Variants in MTUS1 observed in about 807,000 individuals in gnomAD.
The protein encoded by MTUS1 is microtubule-associated tumor suppressor 1.
In MTUS1, 109 loss-of-function variants were observed where a neutral mutation model predicts 120.8. The observed-to-expected ratio is 0.90, with a 90% CI of 0.77 to 1.06. MTUS1 has a LOEUF of 1.06. MTUS1 is among the 50% of genes least tolerant of loss of function. The pLI, the probability that MTUS1 is intolerant of heterozygous loss-of-function variation, is 0.00. For synonymous variants in MTUS1, 737 were observed against 550.5 expected, an observed-to-expected ratio of 1.34 and a Z score of -4.74; for missense variants, 2,210 against 1,486.3, an observed-to-expected ratio of 1.49 and a Z score of -8.01.
intron 1 of MTUS1, among the ~76,000 whole-genome samples, chr8:17,790,934 C>G (rs2051730358): frequency 1.3e-5 from 2 of 152,140 alleles, no homozygotes; most frequent in African/African-American, 2.4e-5. Context: ...TTGCAGTCAG[C>G]CGGATCGTAC....
chr8:17,679,139 A>AC (rs57415283), intron 7 of MTUS1, among the ~76,000 whole-genome samples: 86,256 of 151,498 alleles, frequency 0.57, 25,398 homozygotes, highest in Middle Eastern at 0.7. Flanking sequence ...AACCATTTTC[A>AC]CCCATAATCG....
At chr8:17,725,043 A>G (rs1585977948) in intron 3 of MTUS1, among the ~76,000 whole-genome samples, 1 of 151,962 alleles carries the variant, frequency 6.6e-6, no homozygotes, top group African/African-American at 2.4e-5. Flanking sequence ...GGTGTAAACC[A>G]CCCCACCCAG....
intron 3 of MTUS1, among the ~76,000 whole-genome samples, chr8:17,738,594 T>G (rs2047092374): frequency 6.6e-6 from 1 of 152,212 alleles, no homozygotes; most frequent in East Asian, 1.9e-4. Context: ...CCGGGGTACA[T>G]GTGCAGGCTG....
At chr8:17,656,918 G>C (rs1197946442) in intron 8 of MTUS1, among the ~76,000 whole-genome samples, 1 of 151,650 alleles carries the variant, frequency 6.6e-6, no homozygotes, top group Non-Finnish European at 1.5e-5. Context: ...AATTAGCCGG[G>C]TGTGGTGGTG....
At chr8:17,748,845 C>G (rs1395269642) in intron 2 of MTUS1, among the ~76,000 whole-genome samples, 3 of 152,174 alleles carry the variant, frequency 2.0e-5, no homozygotes, top group Non-Finnish European at 2.9e-5. Flanking sequence ...TCCCTACATC[C>G]TAACAATCAT....
At position 17,759,971 on chromosome 8, in the gene MTUS1, G is replaced by C. The variant is rs1342149441; in HGVS notation, c.-154-4010C>G. 5.3e-5 allele frequency among the ~76,000 whole-genome samples: 8 copies of C among 151,874 alleles called. No homozygotes were observed. In the East Asian group the frequency reaches 1.5e-3, roughly 29 times the overall value. ...TGCCTGTAATCTCAGCACTTTGGGA[G>C]GCTGAGGCAGGAGCATCATTTGAGC... On this transcript the variant is annotated intron_variant, in intron 1 of 14. Transcript: ENST00000693296.
intron 1 of MTUS1, among the ~76,000 whole-genome samples, chr8:17,797,958 T>C (rs1313255927): frequency 1.3e-5 from 2 of 151,946 alleles, no homozygotes; most frequent in Non-Finnish European, 2.9e-5. Context: ...CTTTGCTGAG[T>C]AGCAGTATTG....
intron 12 of MTUS1, among the ~76,000 whole-genome samples, chr8:17,651,022 C>G (rs1392388361): frequency 6.6e-6 from 1 of 152,176 alleles, no homozygotes; most frequent in African/African-American, 2.4e-5. Flanking sequence ...ATCCAAACCC[C>G]TTACTTCACA....
chr8:17,738,683 G>A (rs879277551), intron 3 of MTUS1, among the ~76,000 whole-genome samples: 5 of 152,052 alleles, frequency 3.3e-5, no homozygotes, highest in Non-Finnish European at 7.4e-5. Flanking sequence ...TATTAAGCCC[G>A]GCATGCATTA....
intron 6 of MTUS1, among the ~76,000 whole-genome samples, chr8:17,697,995 A>G (rs1040657751): frequency 6.6e-6 from 1 of 151,536 alleles, no homozygotes; most frequent in Admixed American, 6.6e-5. Flanking sequence ...TTTTTTTTTT[A>G]AAGACTTCAG....
In MTUS1 at chr8:17,723,401, G is replaced by T. The variant is rs2045973018; in HGVS notation, c.2449+271C>A. On this transcript the variant is annotated intron_variant, in intron 4 of 14. Coordinates refer to ENST00000693296, the MANE Select transcript of MTUS1 (RefSeq NM_001363059.2). ...TTCCAGTTAGAGTCCAAATCCCCTG[G>T]GTTGCTACTCTTAAACCTCCAAAAC... 6.2e-6 allele frequency: 3 copies of T among 486,566 alleles called. No individual in the cohort carries two copies. The East Asian group carries it at 1.1e-4, about 18-fold the overall frequency. 30.1% of individuals were successfully genotyped at this position (486,566 alleles called of 1,614,324 possible).
intron 12 of MTUS1, 126 bp from the exon 13 acceptor site, chr8:17,650,088 A>G (rs1585390998): frequency 1.4e-6 from 1 of 700,754 alleles, no homozygotes; most frequent in Non-Finnish European, 2.6e-6. Context: ...TCTTAGAGCA[A>G]TTTCAAAGAA....
chr8:17,654,792 C>G, intron 9 of MTUS1, 126 bp from the exon 10 acceptor site: 1 of 662,944 alleles, frequency 1.5e-6, no homozygotes, highest in Non-Finnish European at 2.7e-6. Context: ...TTTAAAGGCT[C>G]CTCAACACAT....
At chr8:17,786,436 C>T (rs1257124662) in intron 1 of MTUS1, among the ~76,000 whole-genome samples, 8 of 152,210 alleles carry the variant, frequency 5.3e-5, no homozygotes, top group Non-Finnish European at 4.4e-5. Context: ...GTGGGTGAGC[C>T]GCTGAGGAAG....
intron 2 of MTUS1, among the ~76,000 whole-genome samples, chr8:17,745,190 T>C (rs147611755): frequency 0.012 from 1,759 of 152,288 alleles, 35 homozygotes; most frequent in African/African-American, 0.04. Context: ...AAGGAACAAT[T>C]TCTAAGTGAA....
At chr8:17,672,377 G>C (rs1812210174) in intron 8 of MTUS1, among the ~76,000 whole-genome samples, 1 of 152,134 alleles carries the variant, frequency 6.6e-6, no homozygotes, top group Non-Finnish European at 1.5e-5. Flanking sequence ...GGATGAAATT[G>C]GGACAGAAGA....
At chr8:17,684,156 G>A (rs1449766249) in intron 7 of MTUS1, among the ~76,000 whole-genome samples, 172 bp downstream of exon 7, 1 of 152,134 alleles carries the variant, frequency 6.6e-6, no homozygotes, top group Admixed American at 6.6e-5. Flanking sequence ...ATCCCAAATT[G>A]CTAGAGACCG....
chr8:17,659,110 G>A (rs1227003771), intron 8 of MTUS1, among the ~76,000 whole-genome samples: 1 of 152,092 alleles, frequency 6.6e-6, no homozygotes, highest in East Asian at 1.9e-4. Context: ...ATCTGCCCAG[G>A]GGCACAGAGC....
chr8:17,677,550 G>T (rs905925605), intron 7 of MTUS1, among the ~76,000 whole-genome samples: 1 of 152,126 alleles, frequency 6.6e-6, no homozygotes, highest in African/African-American at 2.4e-5. Flanking sequence ...AAATCATTAT[G>T]TTCTACTGCA....
Sources: gnomAD v4.1 joint callset for allele counts (sites outside exome capture counted in the v4.1 genomes callset) on GRCh38, gnomAD v4.1.1 for gene constraint, MANE v1.5 for transcripts, NCBI Gene and HGNC (gene_info 2026-07-23, HGNC 2026-07-21) for gene names.